ADAMTS2: variants seen among roughly 807,000 people sequenced by gnomAD.
The protein encoded by ADAMTS2 is ADAM metallopeptidase with thrombospondin type 1 motif 2, also known as A disintegrin and metalloproteinase with thrombospondin motifs 2.
Under a neutral mutation model 123.0 loss-of-function variants are expected in ADAMTS2, and 50 were observed. The ratio of observed to expected loss-of-function variants is 0.41; its 90% CI spans 0.32 to 0.51. The LOEUF (loss-of-function observed/expected upper bound fraction) is 0.51. Among genes scored for constraint, ADAMTS2 ranks in the 20% least tolerant of loss-of-function variants. The pLI is 0.35. For synonymous variants in ADAMTS2, 678 were observed against 695.4 expected (o/e 0.98, Z 0.39); for missense variants, 1,494 against 1,705.2 (o/e 0.88, Z 2.18).
intron 6 of ADAMTS2, among the ~76,000 whole-genome samples, chr5:179,156,316 G>T (rs1728620678): frequency 1.3e-5 from 2 of 150,818 alleles, no homozygotes; most frequent in Non-Finnish European, 2.9e-5. Flanking sequence ...TTTGTCTTTT[G>T]CTCCCATTGG....
At chr5:179,184,847 A>G (rs1213476128) in intron 4 of ADAMTS2, among the ~76,000 whole-genome samples, 1 of 152,146 alleles carries the variant, frequency 6.6e-6, no homozygotes, top group Admixed American at 6.5e-5. Context: ...GGAGGCGGAG[A>G]GGGACACTCA....
intron 3 of ADAMTS2, among the ~76,000 whole-genome samples, chr5:179,245,475 G>A (rs973766870): frequency 6.6e-6 from 1 of 152,138 alleles, no homozygotes; most frequent in Admixed American, 6.5e-5. Context: ...ACAGTACAAA[G>A]ATGGGGGTGG....
intron 4 of ADAMTS2, among the ~76,000 whole-genome samples, chr5:179,199,194 T>C (rs1251809715): frequency 6.6e-6 from 1 of 152,204 alleles, no homozygotes; most frequent in African/African-American, 2.4e-5. Flanking sequence ...AGCTCTGTCT[T>C]GAAGTTCTTC....
intron 4 of ADAMTS2, among the ~76,000 whole-genome samples, chr5:179,203,590 A>G (rs1764614036): frequency 6.6e-6 from 1 of 152,222 alleles, no homozygotes; most frequent in South Asian, 2.1e-4. Context: ...CTCTGTGCAC[A>G]GGCCCAACCC....
At chr5:179,125,752 C>A (rs896701007) in intron 18 of ADAMTS2, among the ~76,000 whole-genome samples, 1 of 152,254 alleles carries the variant, frequency 6.6e-6, no homozygotes, top group African/African-American at 2.4e-5. Flanking sequence ...CGCCTCTGAA[C>A]CCCCATTTCC....
intron 10 of ADAMTS2, among the ~76,000 whole-genome samples, chr5:179,150,086 A>C (rs968045387): frequency 2.0e-5 from 3 of 152,074 alleles, no homozygotes; most frequent in African/African-American, 7.2e-5. Flanking sequence ...GCTGGGGTGC[A>C]GGCCAGCCAC....
chr5:179,198,789 A>G (rs1764490150), intron 4 of ADAMTS2, among the ~76,000 whole-genome samples: 2 of 151,644 alleles, frequency 1.3e-5, no homozygotes, highest in Admixed American at 1.3e-4. Flanking sequence ...AGCCGAGATC[A>G]TGCCATTGCA....
In ADAMTS2 at chr5:179,272,417, C is replaced by T. The variant is rs778660372; in HGVS notation, c.688+494G>A. On this transcript the variant is annotated intron_variant, in intron 3 of 21. Coordinates refer to ENST00000251582, the MANE Select transcript of ADAMTS2 (RefSeq NM_014244.5). The surrounding 1 kb of genome is among the most constrained non-coding windows in gnomAD (Gnocchi z 5.8). Reference sequence around the variant, plus strand: ...AGAAAGAGCATGCAGGGCCTTTCTCCCTGAGCAGCCAGGTGAGGGTTGGGA... The same window carrying T: ...AGAAAGAGCATGCAGGGCCTTTCTCTCTGAGCAGCCAGGTGAGGGTTGGGA... 2.6e-5 allele frequency among the ~76,000 whole-genome samples: 4 copies of T among 152,186 alleles called. No individual in the cohort carries two copies. Among genetic ancestry groups the T allele is most frequent in the Admixed American group, 2.0e-4 (3 of 15,280 alleles).
chr5:179,114,973 C>G (rs1762633308), intron 21 of ADAMTS2, among the ~76,000 whole-genome samples: 1 of 152,206 alleles, frequency 6.6e-6, no homozygotes, highest in Non-Finnish European at 1.5e-5. Flanking sequence ...CTTGCCTCAA[C>G]TTACCCAACA....
chr5:179,248,876 G>A (rs1213269428), intron 3 of ADAMTS2, among the ~76,000 whole-genome samples: 5 of 152,064 alleles, frequency 3.3e-5, no homozygotes, highest in Non-Finnish European at 7.4e-5. Context: ...GAACAACACT[G>A]TAAATCAACT....
intron 4 of ADAMTS2, among the ~76,000 whole-genome samples, chr5:179,199,721 T>C (rs563284930): frequency 8.5e-5 from 13 of 152,264 alleles, no homozygotes; most frequent in South Asian, 8.3e-4. Context: ...CCTCCCAGCC[T>C]CCCTGAGTCT....
intron 2 of ADAMTS2, among the ~76,000 whole-genome samples, chr5:179,293,521 C>T (rs1479518431): frequency 2.0e-5 from 3 of 152,252 alleles, no homozygotes; most frequent in Admixed American, 1.3e-4. Flanking sequence ...AAGCGTGGGA[C>T]ATCAGCCTCC....
In ADAMTS2 at chr5:179,124,900, G is replaced by T. The variant is rs780785024; in HGVS notation, c.2958+73C>A. On this transcript the variant is annotated intron_variant, in intron 19 of 21. Coordinates refer to ENST00000251582, the MANE Select transcript of ADAMTS2 (RefSeq NM_014244.5). ...GTGTTGTGTAGCGGCTGAATGCAGC[G>T]CACGGAGCGCACCTGCATGCCTGTC... 3.8e-6 allele frequency: 6 copies of T among 1,595,802 alleles called. No individual in the cohort carries two copies. In the African/African-American group the frequency reaches 5.6e-5, roughly 15 times the overall value.
chr5:179,314,658 G>C lies in ADAMTS2; in HGVS notation c.534+29109C>G, dbSNP rs1195430113. On this transcript the variant is annotated intron_variant, in intron 2 of 21. Transcript: ENST00000251582. This position sits in a 1 kb window ranked among gnomAD's most constrained non-coding sequence, Gnocchi z 4.5. ...GAGGCCCATGTGCTTGTCCCACAGG[G>C]TGACGGGCCAGAATTACAAGCCCCT... Among the ~76,000 whole-genome samples, 1 of 152,020 alleles carries C rather than the reference G, an allele frequency of 6.6e-6. No individual in the cohort carries two copies. Among genetic ancestry groups the C allele is most frequent in the African/African-American group, 2.4e-5 (1 of 41,378 alleles).
At position 179,345,133 on chromosome 5, in the gene ADAMTS2, G is replaced by C. The variant is rs1193519561; in HGVS notation, c.139+57C>G. On this transcript the variant is annotated intron_variant, in intron 1 of 21. Transcript: ENST00000251582. The surrounding 1 kb of genome is among the most constrained non-coding windows in gnomAD (Gnocchi z 7.5). ...GCCTGGGGAGGGGGCGGCGGGGCAC[G>C]CGGGACAGGGCCAGGCCGGCGGGGG... 2 of 1,057,062 alleles carry C rather than the reference G, an allele frequency of 1.9e-6. No individual in the cohort carries two copies. Among genetic ancestry groups the C allele is most frequent in the Non-Finnish European group, 2.3e-6 (2 of 873,618 alleles). 65.5% of individuals were successfully genotyped at this position (1,057,062 alleles called of 1,614,324 possible).
intron 10 of ADAMTS2, among the ~76,000 whole-genome samples, chr5:179,149,487 G>T (rs548574898): frequency 2.6e-5 from 4 of 152,306 alleles, no homozygotes. Flanking sequence ...CTGCGGCCGG[G>T]GCAGACTCTA....
chr5:179,184,879 G>A (rs906142461), intron 4 of ADAMTS2, among the ~76,000 whole-genome samples: 1 of 152,222 alleles, frequency 6.6e-6, no homozygotes, highest in Admixed American at 6.5e-5. Context: ...ACCAGCTCCA[G>A]GATCACCGGC....
chr5:179,235,247 C>T (rs1189503432), intron 3 of ADAMTS2, among the ~76,000 whole-genome samples: 1 of 152,212 alleles, frequency 6.6e-6, no homozygotes, highest in Non-Finnish European at 1.5e-5. Context: ...TAAAATCATG[C>T]ATCAGATTCA....
rs2113563928 is a variant in ADAMTS2 at position 179,303,585 on chromosome 5, A to G, written c.535-30521T>C. 6.6e-6 allele frequency among the ~76,000 whole-genome samples: 1 copy of G among 152,376 alleles called. No homozygotes were observed. Among genetic ancestry groups the G allele is most frequent in the African/African-American group, 2.4e-5 (1 of 41,592 alleles). On this transcript the variant is annotated intron_variant, in intron 2 of 21. Transcript: ENST00000251582. The surrounding 1 kb of genome is among the most constrained non-coding windows in gnomAD (Gnocchi z 4.7). ...AGACAAGCCCTGTTGTTGTAGCTCA[A>G]GGATAGAAAAAGCATTTCCGAATGC...
Sources: gnomAD v4.1 joint callset for allele counts (sites outside exome capture counted in the v4.1 genomes callset) on GRCh38, gnomAD v4.1.1 for gene constraint, Gnocchi (gnomAD v3.1) non-coding constraint, MANE v1.5 for transcripts, NCBI Gene and HGNC (gene_info 2026-07-23, HGNC 2026-07-21) for gene names.